Variants in MDN1 observed in about 807,000 individuals in gnomAD.
The protein encoded by MDN1 is midasin AAA ATPase 1.
MDN1 carries 266 observed loss-of-function variants against 669.2 expected under a neutral mutation model. That is an observed-to-expected ratio of 0.40 (90% CI 0.36 to 0.44). The LOEUF is 0.44. Among genes scored for constraint, MDN1 ranks in the 20% least tolerant of loss-of-function variants. MDN1 has a pLI of 1.00. For missense variants in MDN1, 5,940 were observed against 6,754.0 expected (o/e 0.88, Z 4.22); for synonymous variants, 2,385 against 2,457.1 (o/e 0.97, Z 0.87).
At position 89,672,180 on chromosome 6, in the gene MDN1, T is replaced by C. The variant is rs1331701936; in HGVS notation, c.13794+20A>G. The C allele has an allele frequency of 6.4e-7, 1 of 1,552,334 alleles. No homozygotes were observed. Among genetic ancestry groups the C allele is most frequent in the Non-Finnish European group, 8.6e-7 (1 of 1,156,684 alleles). On this transcript the variant is annotated intron_variant, in intron 82 of 101. Transcript: ENST00000369393. ...AGTGCATTCTGAAGAGGAAGAAGTT[T>C]GTAAAGAACAGTTAGTTACCAGGTG...
chr6:89,658,124 T>C, intron 90 of MDN1, 85 bp downstream of exon 90: 10 of 1,514,690 alleles, frequency 6.6e-6, no homozygotes, highest in Non-Finnish European at 9.0e-6. Context: ...ATAAACCAAC[T>C]AATGCTACAC....
At position 89,692,731 on chromosome 6, in the gene MDN1, C is replaced by A; in HGVS notation, c.10299G>T (p.Gly3433=). 3 of 1,614,070 alleles carry A rather than the reference C, an allele frequency of 1.9e-6. No homozygotes were observed. Among genetic ancestry groups the A allele is most frequent in the South Asian group, 1.1e-5 (1 of 91,060 alleles). The change falls in exon 63 of 102, where the codon GGG becomes GGT. Residue 3433 remains glycine, a synonymous_variant. Coordinates refer to ENST00000369393, the MANE Select transcript of MDN1 (RefSeq NM_014611.3). ...AAGCCAGCAAGGCTGTGGCCAGGGT[C>A]CCCAGCCTGTCTGCACCAACCATAC... The part of the protein sequence containing the change: ...HSSMVGADRL[G]TLATALLAFP...
In MDN1 at chr6:89,648,162, C is replaced by A. The variant is rs1808605560; in HGVS notation, c.16281-16G>T. 1.2e-6 allele frequency: 2 copies of A among 1,609,632 alleles called. No homozygotes were observed. The highest frequency in any genetic ancestry group is 1.3e-5 in the African/African-American group (1 of 74,776). Reference sequence around the variant, plus strand: ...TTCTCCAAAACTTGGGGGAGGAAAACCAAATACAACAGGAGTTATTTTTTG... The same window carrying A: ...TTCTCCAAAACTTGGGGGAGGAAAAACAAATACAACAGGAGTTATTTTTTG... On this transcript the variant is annotated splice_polypyrimidine_tract_variant and intron_variant, in intron 98 of 101. Coordinates refer to ENST00000369393, the MANE Select transcript of MDN1 (RefSeq NM_014611.3).
At chr6:89,719,251 A>C (rs1424775301) in intron 40 of MDN1, 26 bp from the exon 41 acceptor site, 1 of 1,571,262 alleles carries the variant, frequency 6.4e-7, no homozygotes, top group East Asian at 2.2e-5. Flanking sequence ...AATGCAATGA[A>C]AACACAAATC....
intron 20 of MDN1, among the ~76,000 whole-genome samples, chr6:89,755,709 G>GT (rs1367121995): frequency 6.6e-6 from 1 of 152,108 alleles, no homozygotes; most frequent in African/African-American, 2.4e-5. Flanking sequence ...GACACAATTA[G>GT]TTTCTCATAG....
At chr6:89,765,866 T>C (rs1817780159) in intron 15 of MDN1, among the ~76,000 whole-genome samples, 1 of 152,234 alleles carries the variant, frequency 6.6e-6, no homozygotes, top group Non-Finnish European at 1.5e-5. Context: ...CTCAAAACAG[T>C]GCCTGGCACA....
At position 89,680,726 on chromosome 6, in the gene MDN1, C is replaced by G; in HGVS notation, c.12128G>C (p.Gly4043Ala). 2 of 1,614,088 alleles carry G rather than the reference C, an allele frequency of 1.2e-6. No individual in the cohort carries two copies. The highest frequency in any genetic ancestry group is 1.7e-5 in the Admixed American group (1 of 60,012). Residue 4043 changes from glycine (G) to alanine (A), a missense_variant, in exon 74 of 102, where the codon GGC (glycine) becomes GCC (alanine). Gly to Ala is a moderately conservative substitution (Grantham distance 60). This residue lies in a region of MDN1 where 2,280 missense variants were observed against 2,576.3 expected (regional missense o/e 0.88). Transcript: ENST00000369393. ...GQATIPEWCQ[G>A]AAPSGLEGEL... Reference sequence around the variant, plus strand: ...CCCTTCCAAGCCGGAAGGAGCAGCGCCCTGACACCACTCTGGAATTGTGGC... The same window carrying G: ...CCCTTCCAAGCCGGAAGGAGCAGCGGCCTGACACCACTCTGGAATTGTGGC...
chr6:89,686,080 C>T (rs1811984423), intron 69 of MDN1, 107 bp from the exon 70 acceptor site: 11 of 1,076,172 alleles, frequency 1.0e-5, no homozygotes, highest in African/African-American at 3.2e-5. Flanking sequence ...AAGAGGTAGA[C>T]ATCACAATGT....
At chr6:89,706,974 C>G (rs976991282) in intron 52 of MDN1, among the ~76,000 whole-genome samples, 1 of 151,994 alleles carries the variant, frequency 6.6e-6, no homozygotes, top group Non-Finnish European at 1.5e-5. Flanking sequence ...AGAAATGCTC[C>G]CTCCTATAAT....
At chr6:89,723,905 G>T (rs1241213300) in intron 38 of MDN1, among the ~76,000 whole-genome samples, 1 of 152,164 alleles carries the variant, frequency 6.6e-6, no homozygotes, top group African/African-American at 2.4e-5. Context: ...AGCACTTTGG[G>T]AGGCCAAGGC....
At chr6:89,752,698 T>C (rs1562181073) in intron 22 of MDN1, among the ~76,000 whole-genome samples, 1 of 152,174 alleles carries the variant, frequency 6.6e-6, no homozygotes, top group Admixed American at 6.5e-5. Flanking sequence ...AGTTAAACTA[T>C]GCAAATAGTG....
Position 89,740,283 on chromosome 6 carries a change from A to C in MDN1, c.4544T>G (p.Phe1515Cys), listed in dbSNP as rs1483508016. The change falls in exon 32 of 102, where the codon TTT (phenylalanine) becomes TGT (cysteine). Residue 1515 changes from phenylalanine (F) to cysteine (C), a missense_variant. By Grantham distance (205) the Phe-to-Cys change is radical. Transcript: ENST00000369393. The stretch of plus-strand genomic sequence containing the variant: ...AGGGTTCATGGTTGCTAGAATACGA[A>C]ATTTTTTCCCAGCAGTCAACAGCTC... ...EIELLTAGKK[F>C]RILATMNPGG... 1 of 1,611,770 alleles carries C rather than the reference A, an allele frequency of 6.2e-7. No homozygotes were observed. Among genetic ancestry groups the C allele is most frequent in the Middle Eastern group, 1.7e-4 (1 of 6,052 alleles).
intron 5 of MDN1, among the ~76,000 whole-genome samples, chr6:89,793,218 A>G (rs901664802): frequency 4.6e-5 from 7 of 152,204 alleles, no homozygotes; most frequent in African/African-American, 1.7e-4. Context: ...AGTCATCTCT[A>G]GACCTAGGCC....
At position 89,658,826 on chromosome 6, in the gene MDN1, A is replaced by C; in HGVS notation, c.14805T>G (p.Ser4935Arg). The stretch of plus-strand genomic sequence containing the variant: ...CTTCCTCAGGCTCCTGTGGACTCTG[A>C]CTTTCGTTCTGGTCGGTCTCGGTCT... The part of the protein sequence containing the change: ...RGETETDQNE[S>R]QSPQEPEEGP... The change falls in exon 89 of 102, where the codon AGT becomes AGG. Residue 4935 changes from serine (S) to arginine (R), a missense_variant. By Grantham distance (110) the Ser-to-Arg change is moderately radical. Around this residue, in one of 5 missense-constraint regions of MDN1, gnomAD observed 2,280 missense variants for 2,576.3 expected, o/e 0.88. Transcript: ENST00000369393. 6.2e-7 allele frequency: 1 copy of C among 1,612,588 alleles called. No individual in the cohort carries two copies. Among genetic ancestry groups the C allele is most frequent in the Non-Finnish European group, 8.5e-7 (1 of 1,179,482 alleles).
rs1301961778 is a variant in MDN1, at chr6:89,718,813, A to G, written c.6275T>C (p.Met2092Thr). The change falls in exon 42 of 102, where the codon ATG becomes ACG. Residue 2092 changes from methionine to threonine, a missense_variant. Coordinates refer to ENST00000369393, the MANE Select transcript of MDN1 (RefSeq NM_014611.3). ...LTGHTLKIMAMNSAMDTTELL... is the reference protein window; with the variant it reads ...LTGHTLKIMATNSAMDTTELL... Reference sequence around the variant, plus strand: ...CTCAGTAGTATCCATTGCACTGTTCATAGCCATGATCTTTAATGTGTGGCC... The same window carrying G: ...CTCAGTAGTATCCATTGCACTGTTCGTAGCCATGATCTTTAATGTGTGGCC... 4 of 1,614,110 alleles carry G rather than the reference A, an allele frequency of 2.5e-6. No homozygotes were observed. The highest frequency in any genetic ancestry group is 1.1e-5 in the South Asian group (1 of 91,096).
chr6:89,807,834 CTGTCTAATCTTCA>C (rs1185777246), intron 1 of MDN1, among the ~76,000 whole-genome samples: 1 of 152,188 alleles, frequency 6.6e-6, no homozygotes, highest in Non-Finnish European at 1.5e-5. Context: ...TTCTTGTGAA[CTGTCTAATCTTCA>C]ATGAGGCCTA....
In MDN1 at chr6:89,793,809, C is replaced by G. The variant is rs1819412598; in HGVS notation, c.808G>C (p.Val270Leu). The G allele has an allele frequency of 6.2e-7, 1 of 1,614,154 alleles. No homozygotes were observed. Among genetic ancestry groups the G allele is most frequent in the South Asian group, 1.1e-5 (1 of 91,086 alleles). Residue 270 changes from valine (V) to leucine (L), a missense_variant, in exon 5 of 102, where the codon GTT becomes CTT. Transcript: ENST00000369393. ...TGCCCAGGCAGCACCACACCACAAA[C>G]AGCTGTCACCCTAGGGGAGAGGTCA... ...SSDLSPRVTA[V>L]CGVVLPGQLP...
chr6:89,716,182 T>C (rs548542363), intron 44 of MDN1, among the ~76,000 whole-genome samples: 2 of 152,358 alleles, frequency 1.3e-5, no homozygotes, highest in East Asian at 3.9e-4. Flanking sequence ...GTAGCTTCTA[T>C]GTTAACTGTA....
intron 53 of MDN1, among the ~76,000 whole-genome samples, chr6:89,704,606 A>C (rs1304744940): frequency 6.6e-6 from 1 of 152,184 alleles, no homozygotes; most frequent in Non-Finnish European, 1.5e-5. Context: ...TTCTTTTTTT[A>C]GATGGAGTGT....
Sources: allele counts gnomAD v4.1 joint callset (sites outside exome capture counted in the v4.1 genomes callset), GRCh38; gene constraint gnomAD v4.1.1; regional missense constraint gnomAD v4.1.1; transcripts MANE v1.5; gene names NCBI Gene and HGNC (gene_info 2026-07-23, HGNC 2026-07-21).